TBL1X: variants seen among roughly 807,000 people sequenced by gnomAD.
The protein encoded by TBL1X is transducin beta like 1 X-linked.
TBL1X carries 10 observed loss-of-function variants against 50.7 expected under a neutral mutation model. The ratio of observed to expected loss-of-function variants is 0.20; its 90% CI spans 0.12 to 0.33. The LOEUF (loss-of-function observed/expected upper bound fraction) is 0.33, where lower values mean the gene tolerates loss of function less well. Ranked by LOEUF, TBL1X falls within the 10% of genes least tolerant of loss-of-function variation. TBL1X has a pLI of 1.00. For synonymous variants in TBL1X, 190 were observed against 214.7 expected (o/e 0.88, Z 1.01); for missense variants, 340 against 504.4 (o/e 0.67, Z 3.12).
chrX:9,541,268 G>A (rs1282457856), intron 2 of TBL1X, among the ~76,000 whole-genome samples: 1 of 110,228 alleles, frequency 9.1e-6, no homozygotes, highest in Admixed American at 9.7e-5. Context: ...GTTGGGCTTC[G>A]TGCTACCAGG....
chrX:9,551,563 C>T (rs1165089309), intron 2 of TBL1X, among the ~76,000 whole-genome samples: 4 of 111,112 alleles, frequency 3.6e-5, no homozygotes, highest in Non-Finnish European at 5.7e-5. Context: ...TGCAAGGTCC[C>T]CCTCAGCTTC....
At chrX:9,640,115 A>G (rs2082767621) in intron 2 of TBL1X, among the ~76,000 whole-genome samples, 158 bp from the exon 3 acceptor site, 2 of 112,104 alleles carry the variant, frequency 1.8e-5, no homozygotes, top group African/African-American at 3.2e-5. Context: ...AAACCTTACA[A>G]TCTGTGCTAT....
intron 1 of TBL1X, among the ~76,000 whole-genome samples, chrX:9,492,353 A>G (rs1215276246): frequency 9.0e-6 from 1 of 111,252 alleles, no homozygotes; most frequent in Admixed American, 9.6e-5. Flanking sequence ...CACGCGTAGT[A>G]AAAGGGAAGA....
chrX:9,515,292 CCTT>C (rs903585631), intron 2 of TBL1X, among the ~76,000 whole-genome samples: 2 of 112,094 alleles, frequency 1.8e-5, no homozygotes, highest in African/African-American at 6.5e-5. Flanking sequence ...CTTTGGAATT[CCTT>C]CTTCTGATCT....
intron 15 of TBL1X, among the ~76,000 whole-genome samples, chrX:9,711,145 C>G (rs963133424): frequency 9.1e-6 from 1 of 110,415 alleles, no homozygotes; most frequent in Admixed American, 9.7e-5. Flanking sequence ...GGTTCAAGAC[C>G]AGCCTGGGCA....
intron 2 of TBL1X, among the ~76,000 whole-genome samples, chrX:9,566,913 T>G (rs2082354279): frequency 8.9e-6 from 1 of 112,228 alleles, no homozygotes; most frequent in Non-Finnish European, 1.9e-5. Context: ...AACCCTCATT[T>G]CACAGCTGAG....
intron 2 of TBL1X, among the ~76,000 whole-genome samples, chrX:9,568,333 T>G (rs2082362667): frequency 1.8e-5 from 2 of 108,845 alleles, no homozygotes; most frequent in Admixed American, 2.0e-4. Flanking sequence ...TCTGGCGGGC[T>G]GTGTATGTTG....
In TBL1X at chrX:9,706,214, T is replaced by C. The variant is rs772055079; in HGVS notation, c.1236+1100T>C. Among the ~76,000 whole-genome samples, 13 of 111,185 alleles carry C rather than the reference T, an allele frequency of 1.2e-4. No individual in the cohort carries two copies. In the East Asian group the frequency reaches 3.1e-3, roughly 27 times the overall value. The stretch of plus-strand genomic sequence containing the variant: ...CGTGGATTTACCAGCAGATGGGAGA[T>C]TGCGGAAGTAAGGTTAGAGAGCATA... On this transcript the variant is annotated intron_variant, in intron 13 of 17. Coordinates refer to ENST00000645353, the MANE Select transcript of TBL1X (RefSeq NM_005647.4).
chrX:9,711,170 C>T (rs368272133), intron 15 of TBL1X, among the ~76,000 whole-genome samples: 20 of 109,779 alleles, frequency 1.8e-4, no homozygotes, highest in African/African-American at 6.6e-4. Context: ...AGTGAAACCC[C>T]GTCTCTACAA....
intron 2 of TBL1X, among the ~76,000 whole-genome samples, chrX:9,609,117 A>C (rs764981915): frequency 6.2e-5 from 7 of 112,175 alleles, no homozygotes; most frequent in Admixed American, 9.5e-5. Flanking sequence ...AAGAAAAGTC[A>C]GTAGGTAAAC....
chrX:9,506,514 T>A (rs1386903753), intron 2 of TBL1X, among the ~76,000 whole-genome samples: 1 of 111,629 alleles, frequency 9.0e-6, no homozygotes, highest in Non-Finnish European at 1.9e-5. Context: ...ATCCAGGAGC[T>A]GGTTTTTTGA....
chrX:9,577,976 A>G (rs1447358298), intron 2 of TBL1X, among the ~76,000 whole-genome samples: 1 of 112,498 alleles, frequency 8.9e-6, no homozygotes, highest in Non-Finnish European at 1.9e-5. Flanking sequence ...GGAGAGAAAC[A>G]GAAAACTCCT....
rs1384066976 is a variant in TBL1X, at chrX:9,697,449, T to G, written c.1114+20T>G. The G allele has an allele frequency of 1.8e-5, 22 of 1,207,917 alleles. No individual in the cohort carries two copies. Among genetic ancestry groups the G allele is most frequent in the Non-Finnish European group, 2.5e-5 (22 of 894,641 alleles). On this transcript the variant is annotated intron_variant, in intron 12 of 17. Coordinates refer to ENST00000645353, the MANE Select transcript of TBL1X (RefSeq NM_005647.4). ...ATTCAGGTGAGTTTTTTGTTGTTGT[T>G]GTTGTTGTTTGTTTTTTTGTAATTC...
intron 2 of TBL1X, among the ~76,000 whole-genome samples, chrX:9,606,759 T>C (rs5934656): frequency 0.3 from 33,563 of 110,988 alleles, 4,020 homozygotes; most frequent in East Asian, 0.66. Context: ...AAAACAGTTT[T>C]CCCTGCAATC....
chrX:9,552,844 G>A (rs768094521), intron 2 of TBL1X, among the ~76,000 whole-genome samples: 1 of 111,896 alleles, frequency 8.9e-6, no homozygotes, highest in African/African-American at 3.2e-5. Flanking sequence ...TTGTGGACGT[G>A]GTTTAAGGAT....
intron 12 of TBL1X, 59 bp downstream of exon 12, chrX:9,697,488 C>G (rs1484790205): frequency 3.3e-6 from 4 of 1,196,385 alleles, no homozygotes; most frequent in Non-Finnish European, 4.5e-6. Context: ...AATAATAATT[C>G]AGGTCGAGCC....
intron 2 of TBL1X, among the ~76,000 whole-genome samples, chrX:9,625,022 G>T (rs1302212651): frequency 1.8e-5 from 2 of 111,889 alleles, no homozygotes; most frequent in Non-Finnish European, 3.8e-5. Context: ...GATAAATATT[G>T]TTCCATTTGA....
intron 2 of TBL1X, among the ~76,000 whole-genome samples, chrX:9,590,099 A>G (rs775682473): frequency 1.8e-3 from 207 of 112,337 alleles, no homozygotes; most frequent in African/African-American, 6.5e-3. Flanking sequence ...AGAACGGGGA[A>G]CCATCACAGG....
intron 3 of TBL1X, among the ~76,000 whole-genome samples, chrX:9,648,749 G>T (rs1300686618): frequency 1.8e-5 from 2 of 112,297 alleles, no homozygotes; most frequent in African/African-American, 6.5e-5. Context: ...CTCTGTGCTT[G>T]AGAGTTCTGC....
Sources: gnomAD v4.1 joint callset for allele counts (sites outside exome capture counted in the v4.1 genomes callset) on GRCh38, gnomAD v4.1.1 for gene constraint, MANE v1.5 for transcripts, NCBI Gene and HGNC (gene_info 2026-07-23, HGNC 2026-07-21) for gene names.